The following CRACD variants were observed in gnomAD, a reference collection of about 807,000 sequenced individuals.
CRACD encodes the protein capping protein inhibiting regulator of actin dynamics.
In CRACD, 56 loss-of-function variants were observed where a neutral mutation model predicts 106.8. That is an observed-to-expected ratio of 0.52 (90% CI 0.42 to 0.66). CRACD has a LOEUF of 0.66. Ranked by LOEUF, CRACD falls within the 30% of genes least tolerant of loss-of-function variation. The pLI is 0.00. For missense variants in CRACD, 1,730 were observed against 1,623.2 expected (o/e 1.07, Z -1.13); for synonymous variants, 754 against 670.8 (o/e 1.12, Z -1.92).
intron 2 of CRACD, among the ~76,000 whole-genome samples, chr4:56,228,068 C>T (rs1739406078): frequency 6.6e-6 from 1 of 152,156 alleles, no homozygotes; most frequent in African/African-American, 2.4e-5. Context: ...TAGGCCCCTA[C>T]CCTGTCCCTG....
intron 1 of CRACD, among the ~76,000 whole-genome samples, chr4:56,129,043 C>T (rs1577681076): frequency 2.0e-5 from 3 of 151,914 alleles, no homozygotes; most frequent in South Asian, 4.2e-4. Flanking sequence ...TTTATAAAAC[C>T]TTTTGTTTTT....
rs1436823400 is a variant in CRACD, at chr4:56,057,879, C to T, written c.-336+8580C>T. Among the ~76,000 whole-genome samples, 3 of 94,052 alleles carry T rather than the reference C, an allele frequency of 3.2e-5. 1 individual carries two copies. The highest frequency in any genetic ancestry group is 5.7e-5 in the Non-Finnish European group (3 of 52,380). 61.7% of individuals were successfully genotyped at this position (94,052 alleles called of 152,430 possible). On this transcript the variant is annotated intron_variant, in intron 1 of 10. Coordinates refer to ENST00000682029, the MANE Select transcript of CRACD (RefSeq NM_001393381.1). ...TGTCGCCCAGGCTGGAGTGCAGTGG[C>T]GCGATCTCGGCTCACTGCAAGCTCC...
chr4:56,314,623 A>T lies in CRACD; in HGVS notation c.1121A>T (p.Gln374Leu), dbSNP rs764347427. 1.3e-6 allele frequency: 2 copies of T among 1,537,440 alleles called. No homozygotes were observed. Among genetic ancestry groups the T allele is most frequent in the African/African-American group, 2.8e-5 (2 of 72,416 alleles). The change falls in exon 8 of 11, where the codon CAG becomes CTG. Residue 374 changes from glutamine (Q) to leucine (L), a missense_variant. Gln to Leu is a moderately radical substitution (Grantham distance 113). Coordinates refer to ENST00000682029, the MANE Select transcript of CRACD (RefSeq NM_001393381.1). The surrounding 1 kb of genome is among the most constrained non-coding windows in gnomAD (Gnocchi z 4.4). ...GCTGAGGGATGGGAAGAGCTGGAAC[A>T]GCAGGAGGCGGAGGTGCAGGGGCCG... ...EEAEGWEELE[Q>L]QEAEVQGPPE...
chr4:56,225,925 A>G (rs1270854029), intron 2 of CRACD, among the ~76,000 whole-genome samples: 1 of 152,224 alleles, frequency 6.6e-6, no homozygotes, highest in Non-Finnish European at 1.5e-5. Context: ...CTGTTGCTGT[A>G]AGGCAGAATC....
chr4:56,222,289 G>A (rs1253289654), intron 2 of CRACD, among the ~76,000 whole-genome samples: 2 of 152,204 alleles, frequency 1.3e-5, no homozygotes, highest in Non-Finnish European at 2.9e-5. Flanking sequence ...AATAACACAG[G>A]AATGGAAAGT....
At chr4:56,067,245 CAGA>C (rs899129564) in intron 1 of CRACD, among the ~76,000 whole-genome samples, 4 of 151,788 alleles carry the variant, frequency 2.6e-5, no homozygotes, top group Admixed American at 6.6e-5. Context: ...ACAGAAAATC[CAGA>C]AGAAGGAGAA....
At chr4:56,231,669 A>G (rs1441655510) in intron 2 of CRACD, among the ~76,000 whole-genome samples, 1 of 152,248 alleles carries the variant, frequency 6.6e-6, no homozygotes, top group African/African-American at 2.4e-5. Flanking sequence ...TCCACAAGCC[A>G]GATACAAAAG....
At chr4:56,080,110 A>T (rs1732973172) in intron 1 of CRACD, among the ~76,000 whole-genome samples, 1 of 152,194 alleles carries the variant, frequency 6.6e-6, no homozygotes, top group Non-Finnish European at 1.5e-5. Context: ...TGGGAGACTG[A>T]AGTGGAAGGA....
intron 1 of CRACD, among the ~76,000 whole-genome samples, chr4:56,177,570 T>C (rs1054104007): frequency 2.6e-5 from 4 of 152,228 alleles, no homozygotes; most frequent in African/African-American, 9.6e-5. Flanking sequence ...TCCAATTTGT[T>C]GCAACAGTTT....
chr4:56,229,110 ATGAAT>A (rs1246094697), intron 2 of CRACD, among the ~76,000 whole-genome samples: 3 of 152,208 alleles, frequency 2.0e-5, no homozygotes, highest in Admixed American at 6.5e-5. Flanking sequence ...CATAAACAAA[ATGAAT>A]TGTAATGGGG....
chr4:56,284,398 G>A (rs1358884914), intron 3 of CRACD, among the ~76,000 whole-genome samples: 2 of 151,238 alleles, frequency 1.3e-5, no homozygotes, highest in African/African-American at 4.9e-5. Context: ...ACATAGTACT[G>A]GGGTGGAGAT....
intron 1 of CRACD, among the ~76,000 whole-genome samples, chr4:56,105,290 G>T (rs866132345): frequency 6.6e-6 from 1 of 152,232 alleles, no homozygotes; most frequent in African/African-American, 2.4e-5. Flanking sequence ...CTTGAGGCCA[G>T]GAGTTTGGGA....
At chr4:56,145,358 AAC>A (rs1055250316) in intron 1 of CRACD, among the ~76,000 whole-genome samples, 2 of 152,196 alleles carry the variant, frequency 1.3e-5, no homozygotes, top group Non-Finnish European at 2.9e-5. Flanking sequence ...CACAATTTAA[AAC>A]AGTTATATCT....
At chr4:56,160,183 TG>T (rs142728647) in intron 1 of CRACD, among the ~76,000 whole-genome samples, 49,647 of 144,722 alleles carry the variant, frequency 0.34, 7,511 homozygotes, top group Middle Eastern at 0.42. Flanking sequence ...TCCCATATTT[TG>T]ATTTTTTTTT....
At chr4:56,070,158 C>T (rs1732590051) in intron 1 of CRACD, among the ~76,000 whole-genome samples, 1 of 152,124 alleles carries the variant, frequency 6.6e-6, no homozygotes. Context: ...GGTCCATGCT[C>T]TTCACCCAGC....
At chr4:56,069,788 T>C (rs2109794884) in intron 1 of CRACD, among the ~76,000 whole-genome samples, 1 of 152,226 alleles carries the variant, frequency 6.6e-6, no homozygotes. Flanking sequence ...TCTTTCTCCT[T>C]CCCTGCTCGA....
intron 2 of CRACD, among the ~76,000 whole-genome samples, chr4:56,265,017 G>GT (rs1243518420): frequency 2.0e-5 from 3 of 152,172 alleles, no homozygotes; most frequent in Non-Finnish European, 4.4e-5. Context: ...CCTCCTGGAA[G>GT]TAAAGTCTCA....
chr4:56,315,466 G>T lies in CRACD; in HGVS notation c.1964G>T (p.Arg655Leu). 2 of 1,613,126 alleles carry T rather than the reference G, an allele frequency of 1.2e-6. No homozygotes were observed. The highest frequency in any genetic ancestry group is 1.7e-6 in the Non-Finnish European group (2 of 1,179,908). The change falls in exon 8 of 11, where the codon CGC (arginine) becomes CTC (leucine). Residue 655 changes from arginine to leucine, a missense_variant. Physicochemically the swap from Arg to Leu is moderately radical, Grantham distance 102. Coordinates refer to ENST00000682029, the MANE Select transcript of CRACD (RefSeq NM_001393381.1). This position sits in a 1 kb window ranked among gnomAD's most constrained non-coding sequence, Gnocchi z 4.1. ...ARAGSGKAKPRQESPSSASAL... is the reference protein window; with the variant it reads ...ARAGSGKAKPLQESPSSASAL... ...GCGGGCAGCGGGAAGGCTAAGCCCC[G>T]CCAGGAGTCTCCCAGCAGCGCGTCC...
chr4:56,268,576 A>G (rs1208866682), intron 2 of CRACD, among the ~76,000 whole-genome samples: 2 of 152,244 alleles, frequency 1.3e-5, no homozygotes, highest in East Asian at 1.9e-4. Flanking sequence ...TAAGTGGAAT[A>G]TAATATAAAT....
Sources: allele counts gnomAD v4.1 joint callset (sites outside exome capture counted in the v4.1 genomes callset), GRCh38; gene constraint gnomAD v4.1.1; non-coding constraint Gnocchi (gnomAD v3.1); transcripts MANE v1.5; gene names NCBI Gene and HGNC (gene_info 2026-07-23, HGNC 2026-07-21).